Variants in CFAP54 observed in about 807,000 individuals in gnomAD.
The protein encoded by CFAP54 is cilia and flagella associated protein 54.
A neutral mutation model predicts 370.4 loss-of-function variants in CFAP54; 290 were observed. That is an observed-to-expected ratio of 0.78 (90% CI 0.71 to 0.86). The LOEUF is 0.86. Among genes scored for constraint, CFAP54 ranks in the 40% least tolerant of loss-of-function variants. The probability of loss-of-function intolerance (pLI) is 0.00; values close to 1 mark genes in which losing one functional copy is unlikely to be tolerated. For synonymous variants in CFAP54, 1,206 were observed against 1,236.5 expected (o/e 0.98, Z 0.52); for missense variants, 3,399 against 3,528.7 (o/e 0.96, Z 0.93).
Position 96,817,908 on chromosome 12 carries a change from A to C in CFAP54, c.9091A>C (p.Met3031Leu), listed in dbSNP as rs1958995236. 14 of 1,472,162 alleles carry C rather than the reference A, an allele frequency of 9.5e-6. No individual in the cohort carries two copies. Among genetic ancestry groups the C allele is most frequent in the African/African-American group, 1.4e-5 (1 of 70,666 alleles). 91.2% of individuals were successfully genotyped at this position (1,472,162 alleles called of 1,614,324 possible). Residue 3031 changes from methionine (M) to leucine (L), a missense_variant, in exon 65 of 68, where the codon ATG becomes CTG. Met to Leu is a conservative substitution (Grantham distance 15). Around this residue, in one of 3 missense-constraint regions of CFAP54, gnomAD observed 2,796 missense variants for 2,869.7 expected, o/e 0.97. Coordinates refer to ENST00000524981, the MANE Select transcript of CFAP54 (RefSeq NM_001306084.2). ...EVEEESVDNEMEDMIIQCCSE... is the reference protein window; with the variant it reads ...EVEEESVDNELEDMIIQCCSE... The stretch of plus-strand genomic sequence containing the variant: ...GGAAGAGGAATCAGTTGATAATGAA[A>C]TGGAAGTAAGTTGTTAAATAATGGA...
At chr12:96,517,193 C>G (rs1955245595) in intron 5 of CFAP54, among the ~76,000 whole-genome samples, 1 of 152,056 alleles carries the variant, frequency 6.6e-6, no homozygotes, top group East Asian at 1.9e-4. Context: ...TTATGGTGAG[C>G]TTCTCCCCTT....
At chr12:96,728,903 C>A (rs962089126) in intron 50 of CFAP54, among the ~76,000 whole-genome samples, 2 of 152,192 alleles carry the variant, frequency 1.3e-5, no homozygotes, top group African/African-American at 4.8e-5. Flanking sequence ...ACAGACAGGA[C>A]CCTCAGCTGC....
chr12:96,587,036 G>A (rs77952901), intron 22 of CFAP54, among the ~76,000 whole-genome samples: 1 of 152,114 alleles, frequency 6.6e-6, no homozygotes, highest in African/African-American at 2.4e-5. Context: ...TGACCCTAAG[G>A]TATTAGCTGA....
chr12:96,538,256 A>G lies in CFAP54; in HGVS notation c.1792-128A>G, dbSNP rs559225606. On this transcript the variant is annotated intron_variant, in intron 12 of 67. Coordinates refer to ENST00000524981, the MANE Select transcript of CFAP54 (RefSeq NM_001306084.2). ...AGGATCATACTAGGACTCCTCTCAT[A>G]GGGTCATTATGAAGATTCAACATGT... 3.3e-5 allele frequency: 27 copies of G among 806,664 alleles called. No individual in the cohort carries two copies. The East Asian group carries it at 6.2e-4, about 19-fold the overall frequency. The allele number at this position is 806,664 out of a possible 1,614,324, so 50.0% of individuals were successfully genotyped here. A position where few individuals can be genotyped will look rare whatever the true frequency, so the allele number is the denominator to read the frequency against.
intron 55 of CFAP54, among the ~76,000 whole-genome samples, chr12:96,746,534 T>C (rs1200276847): frequency 6.6e-6 from 1 of 152,226 alleles, no homozygotes; most frequent in Non-Finnish European, 1.5e-5. Context: ...CTCTCTGGAT[T>C]CTCAGGTGCT....
At chr12:96,494,661 G>GTAGAGACCAGT (rs1185640365) in intron 1 of CFAP54, among the ~76,000 whole-genome samples, 4 of 152,234 alleles carry the variant, frequency 2.6e-5, no homozygotes, top group Non-Finnish European at 4.4e-5. Flanking sequence ...GAATAGCAGT[G>GTAGAGACCAGT]TAGAGACCAG....
At chr12:96,516,017 G>A (rs1426521776) in intron 5 of CFAP54, among the ~76,000 whole-genome samples, 1 of 147,394 alleles carries the variant, frequency 6.8e-6, no homozygotes, top group African/African-American at 2.5e-5. Flanking sequence ...CCGGGTTCAC[G>A]CCATTCTTCT....
chr12:96,780,755 A>G (rs947537311), intron 60 of CFAP54, among the ~76,000 whole-genome samples: 2 of 152,186 alleles, frequency 1.3e-5, no homozygotes, highest in African/African-American at 4.8e-5. Flanking sequence ...TTGATAAAAA[A>G]TATCCCAGAT....
In CFAP54 at chr12:96,579,315, G is replaced by T. The variant is rs892638654; in HGVS notation, c.2797-1282G>T. Reference sequence around the variant, plus strand: ...ACAGTCACCTGAGAAATGTTCTTTGGAAAGACAAAGATGCGGAAACTTGCA... The same window carrying T: ...ACAGTCACCTGAGAAATGTTCTTTGTAAAGACAAAGATGCGGAAACTTGCA... On this transcript the variant is annotated intron_variant, in intron 20 of 67. Coordinates refer to ENST00000524981, the MANE Select transcript of CFAP54 (RefSeq NM_001306084.2). Among the ~76,000 whole-genome samples, 8 of 151,998 alleles carry T rather than the reference G, an allele frequency of 5.3e-5. No homozygotes were observed. In the South Asian group the frequency reaches 1.7e-3, roughly 31 times the overall value.
intron 66 of CFAP54, 70 bp from the exon 67 acceptor site, chr12:96,860,749 G>T: frequency 7.3e-7 from 1 of 1,375,690 alleles, no homozygotes; most frequent in Non-Finnish European, 9.6e-7. Context: ...ATTGCTATTT[G>T]GGTATTTTGA....
At chr12:96,634,485 C>A (rs1956644197) in intron 32 of CFAP54, among the ~76,000 whole-genome samples, 1 of 151,938 alleles carries the variant, frequency 6.6e-6, no homozygotes, top group African/African-American at 2.4e-5. Flanking sequence ...TTTATATATT[C>A]TAGATACGAG....
intron 26 of CFAP54, among the ~76,000 whole-genome samples, chr12:96,601,450 C>A (rs1029427301): frequency 3.9e-5 from 6 of 152,174 alleles, no homozygotes; most frequent in African/African-American, 1.4e-4. Flanking sequence ...GCTTTGGTAT[C>A]AGCATGATGC....
At chr12:96,525,333 A>G (rs1955367291) in intron 8 of CFAP54, among the ~76,000 whole-genome samples, 1 of 151,668 alleles carries the variant, frequency 6.6e-6, no homozygotes, top group African/African-American at 2.4e-5. Context: ...TTTTATAGAT[A>G]TTATTATTTT....
chr12:96,662,716 A>G (rs943299807), intron 38 of CFAP54, among the ~76,000 whole-genome samples: 1 of 151,994 alleles, frequency 6.6e-6, no homozygotes, highest in Non-Finnish European at 1.5e-5. Flanking sequence ...GCAGGTTTTC[A>G]CCGCACTGTT....
chr12:96,611,059 T>C (rs879694498), intron 26 of CFAP54, among the ~76,000 whole-genome samples: 19 of 152,204 alleles, frequency 1.2e-4, no homozygotes, highest in South Asian at 4.2e-4. Flanking sequence ...CAGCATGGAG[T>C]TTGAGATCTG....
chr12:96,552,439 G>A (rs187320137), intron 15 of CFAP54, among the ~76,000 whole-genome samples: 2 of 152,016 alleles, frequency 1.3e-5, no homozygotes, highest in Admixed American at 6.5e-5. Context: ...TGCCTCCCGG[G>A]TTCAAGTGAT....
chr12:96,786,182 A>C (rs1958626717), intron 61 of CFAP54, among the ~76,000 whole-genome samples: 1 of 150,638 alleles, frequency 6.6e-6, no homozygotes, highest in Non-Finnish European at 1.5e-5. Context: ...GTGCCTTTGA[A>C]ATTTTCTTTT....
chr12:96,718,831 G>A (rs1957716061), intron 49 of CFAP54, among the ~76,000 whole-genome samples: 1 of 152,196 alleles, frequency 6.6e-6, no homozygotes, highest in African/African-American at 2.4e-5. Flanking sequence ...CTGAGGTCGG[G>A]AGTTCAAGAC....
At chr12:96,833,507 C>CGTGT (rs34316003) in intron 66 of CFAP54, among the ~76,000 whole-genome samples, 6,650 of 144,102 alleles carry the variant, frequency 0.046, 166 homozygotes, top group Non-Finnish European at 0.054. Context: ...CACACGCGTA[C>CGTGT]GTGTGTGTGT....
Sources: gnomAD v4.1 joint callset for allele counts (sites outside exome capture counted in the v4.1 genomes callset) on GRCh38, gnomAD v4.1.1 for gene constraint, gnomAD v4.1.1 regional missense constraint, MANE v1.5 for transcripts, NCBI Gene and HGNC (gene_info 2026-07-23, HGNC 2026-07-21) for gene names.